RALYL: variants seen among roughly 807,000 people sequenced by gnomAD.
RALYL encodes the protein RNA-binding Raly-like protein.
A neutral mutation model predicts 35.1 loss-of-function variants in RALYL; 29 were observed. The observed-to-expected ratio is 0.83, with a 90% confidence interval of 0.61 to 1.13. RALYL has a LOEUF of 1.13. Among genes scored for constraint, RALYL ranks in the 50% most tolerant of loss-of-function variants. RALYL has a pLI of 0.00. For synonymous variants in RALYL, 120 were observed against 127.6 expected (o/e 0.94, Z 0.40); for missense variants, 359 against 360.4 (o/e 1.00, Z 0.03).
At chr8:84,494,168 C>T (rs901219944) in intron 1 of RALYL, among the ~76,000 whole-genome samples, 1 of 152,090 alleles carries the variant, frequency 6.6e-6, no homozygotes, top group Non-Finnish European at 1.5e-5. Flanking sequence ...GGAATCCTTT[C>T]CCCATTGCTT....
rs72696320 is a variant in RALYL, at chr8:84,219,326, C to T, written c.-24+34902C>T. ...TTGCATTCATTCTCCTTCCTCCCTC[C>T]TTGTGAAGGTGCCTTGCTTCCCCTT... On this transcript the variant is annotated intron_variant, in intron 1 of 8. Transcript: ENST00000521268. Among the ~76,000 whole-genome samples, 1,076 of 152,106 alleles carry T rather than the reference C, an allele frequency of 7.1e-3. 10 individuals are homozygous for T. The highest frequency in any genetic ancestry group is 0.011 in the Non-Finnish European group (771 of 67,958).
intron 2 of RALYL, among the ~76,000 whole-genome samples, chr8:84,692,114 A>G (rs1208088579): frequency 6.6e-6 from 1 of 152,032 alleles, no homozygotes; most frequent in African/African-American, 2.4e-5. Context: ...AAAAACATGC[A>G]CATGAGTAAA....
chr8:84,411,540 C>T (rs1288861888), intron 1 of RALYL, among the ~76,000 whole-genome samples: 1 of 151,518 alleles, frequency 6.6e-6, no homozygotes, highest in African/African-American at 2.4e-5. Context: ...AAGAAGTTCC[C>T]TTCAACAGTT....
At chr8:84,445,563 T>C (rs1226748768) in intron 1 of RALYL, among the ~76,000 whole-genome samples, 1 of 151,884 alleles carries the variant, frequency 6.6e-6, no homozygotes, top group Non-Finnish European at 1.5e-5. Flanking sequence ...AATTAAATCA[T>C]TAAAAAGTTT....
At chr8:84,431,938 G>A (rs1443654720) in intron 1 of RALYL, among the ~76,000 whole-genome samples, 2 of 152,084 alleles carry the variant, frequency 1.3e-5, no homozygotes, top group Non-Finnish European at 2.9e-5. Flanking sequence ...AAGAAAACAA[G>A]CATTGGTAAG....
intron 1 of RALYL, among the ~76,000 whole-genome samples, chr8:84,517,682 T>C (rs2058164385): frequency 6.6e-6 from 1 of 152,170 alleles, no homozygotes; most frequent in Non-Finnish European, 1.5e-5. Context: ...AAGGGAGATG[T>C]AAAACGTCCT....
intron 8 of RALYL, among the ~76,000 whole-genome samples, chr8:84,913,955 A>G (rs1847999380): frequency 6.6e-6 from 1 of 151,956 alleles, no homozygotes; most frequent in South Asian, 2.1e-4. Context: ...TAATCTTTGA[A>G]TGTGTATACA....
intron 2 of RALYL, among the ~76,000 whole-genome samples, chr8:84,732,681 T>TACACACAC (rs1179892661): frequency 1.0e-5 from 1 of 99,088 alleles, no homozygotes; most frequent in South Asian, 2.8e-4. Flanking sequence ...TATATATATA[T>TACACACAC]ATACACACAC....
chr8:84,395,103 T>C (rs1861504820), intron 1 of RALYL, among the ~76,000 whole-genome samples: 1 of 151,890 alleles, frequency 6.6e-6, no homozygotes, highest in East Asian at 1.9e-4. Context: ...TGCTGACCCA[T>C]TTAATGCATA....
At chr8:84,781,270 T>A (rs967856783) in intron 3 of RALYL, among the ~76,000 whole-genome samples, 27 of 152,334 alleles carry the variant, frequency 1.8e-4, no homozygotes, top group African/African-American at 6.5e-4. Flanking sequence ...TAAAATTTTT[T>A]AAAAGATTAT....
intron 2 of RALYL, among the ~76,000 whole-genome samples, chr8:84,557,691 A>G: frequency 6.6e-6 from 1 of 152,148 alleles, no homozygotes; most frequent in East Asian, 1.9e-4. Flanking sequence ...ACTATTTACT[A>G]TATTTACTAT....
At chr8:84,194,035 G>A (rs1447924848) in intron 1 of RALYL, among the ~76,000 whole-genome samples, 2 of 152,210 alleles carry the variant, frequency 1.3e-5, no homozygotes, top group Admixed American at 1.3e-4. Flanking sequence ...TAGAATGAGA[G>A]TAGTGCAAGG....
chr8:84,839,001 G>A (rs1422402011), intron 4 of RALYL, among the ~76,000 whole-genome samples: 1 of 152,206 alleles, frequency 6.6e-6, no homozygotes. Flanking sequence ...GGCCAAGATG[G>A]CCAAATAGGA....
At chr8:84,628,578 T>A (rs2131204204) in intron 2 of RALYL, among the ~76,000 whole-genome samples, 1 of 152,244 alleles carries the variant, frequency 6.6e-6, no homozygotes, top group Middle Eastern at 3.4e-3. Context: ...CAACTCATGT[T>A]GCAGTTAAAT....
intron 5 of RALYL, among the ~76,000 whole-genome samples, chr8:84,859,144 A>C (rs1837618549): frequency 6.6e-6 from 1 of 152,154 alleles, no homozygotes; most frequent in South Asian, 2.1e-4. Flanking sequence ...CTGGGGTTTA[A>C]ATACTCTCTA....
At chr8:84,846,633 C>T (rs778836236) in intron 4 of RALYL, among the ~76,000 whole-genome samples, 14 of 152,172 alleles carry the variant, frequency 9.2e-5, no homozygotes, top group Non-Finnish European at 1.9e-4. Context: ...GCTGTGAATA[C>T]ATCTGATCAT....
At chr8:84,249,924 C>A (rs934673515) in intron 1 of RALYL, among the ~76,000 whole-genome samples, 1 of 150,044 alleles carries the variant, frequency 6.7e-6, no homozygotes. Flanking sequence ...AATAAAATAA[C>A]AAGAAGATAT....
At chr8:84,271,191 T>A in intron 1 of RALYL, among the ~76,000 whole-genome samples, 1 of 147,498 alleles carries the variant, frequency 6.8e-6, no homozygotes, top group Non-Finnish European at 1.5e-5. Context: ...GAAGAGGAAT[T>A]GCCACTAAAA....
intron 1 of RALYL, among the ~76,000 whole-genome samples, chr8:84,391,083 G>T (rs560806064): frequency 1.3e-5 from 2 of 152,090 alleles, no homozygotes; most frequent in Non-Finnish European, 2.9e-5. Flanking sequence ...CTTGCAAAAT[G>T]CACCACTCAC....
Sources: allele counts gnomAD v4.1 joint callset (sites outside exome capture counted in the v4.1 genomes callset), GRCh38; gene constraint gnomAD v4.1.1; transcripts MANE v1.5; gene names NCBI Gene and HGNC (gene_info 2026-07-23, HGNC 2026-07-21).